The following SOX5 variants were observed in gnomAD, a reference collection of about 807,000 sequenced individuals.
The protein encoded by SOX5 is SRY-box transcription factor 5.
SOX5 carries 9 observed loss-of-function variants against 92.0 expected under a neutral mutation model. The ratio of observed to expected loss-of-function variants is 0.10; its 90% CI spans 0.06 to 0.17. SOX5 has a LOEUF of 0.17. Among genes scored for constraint, SOX5 ranks in the 10% least tolerant of loss-of-function variants. SOX5 has a pLI of 1.00. For synonymous variants in SOX5, 344 were observed against 336.3 expected (o/e 1.02, Z -0.25); for missense variants, 642 against 944.5 (o/e 0.68, Z 4.20).
intron 3 of SOX5, among the ~76,000 whole-genome samples, chr12:23,815,128 G>T (rs1182220959): frequency 1.3e-5 from 2 of 152,120 alleles, no homozygotes; most frequent in Non-Finnish European, 2.9e-5. Context: ...CTTTAGAGTT[G>T]TAAGGACTTT....
intron 4 of SOX5, among the ~76,000 whole-genome samples, chr12:23,959,598 G>C (rs920103872): frequency 6.6e-6 from 1 of 151,848 alleles, no homozygotes; most frequent in African/African-American, 2.4e-5. Context: ...GTGACAAAAG[G>C]CATCTATAGA....
intron 1 of SOX5, among the ~76,000 whole-genome samples, chr12:24,494,492 C>T (rs1425800484): frequency 6.6e-6 from 1 of 152,236 alleles, no homozygotes; most frequent in South Asian, 2.1e-4. Flanking sequence ...TATCATAGTT[C>T]ATGGCAAAAA....
chr12:24,485,045 T>G (rs1010222133), intron 1 of SOX5, among the ~76,000 whole-genome samples: 1 of 152,052 alleles, frequency 6.6e-6, no homozygotes, highest in Non-Finnish European at 1.5e-5. Context: ...TTCGGACAGA[T>G]GGAGAAAGGA....
At chr12:24,191,717 A>G (rs1399593731) in intron 4 of SOX5, among the ~76,000 whole-genome samples, 1 of 152,232 alleles carries the variant, frequency 6.6e-6, no homozygotes, top group Non-Finnish European at 1.5e-5. Context: ...TGATTCTGTC[A>G]GGTACAACAG....
chr12:23,851,418 C>G (rs1328401612), intron 2 of SOX5, among the ~76,000 whole-genome samples: 3 of 152,036 alleles, frequency 2.0e-5, no homozygotes, highest in African/African-American at 7.2e-5. Flanking sequence ...AAAAGAGATA[C>G]ATTGAGGCAA....
chr12:23,779,814 T>TATATATATATATACAC (rs777013504), intron 3 of SOX5, among the ~76,000 whole-genome samples: 266 of 110,740 alleles, frequency 2.4e-3, no homozygotes, highest in African/African-American at 7.9e-3. Context: ...TATATATATA[T>TATATATATATATACAC]ACACACACAC....
At chr12:23,765,369 CA>C (rs1156436419) in intron 3 of SOX5, among the ~76,000 whole-genome samples, 3 of 8,034 alleles carry the variant, frequency 3.7e-4, no homozygotes, top group African/African-American at 7.5e-4. Context: ...GCTGTGAAGT[CA>C]AAAGTGTAAA....
chr12:24,213,547 T>C (rs1239417226), intron 3 of SOX5: 1 of 150,736 alleles, frequency 6.6e-6, no homozygotes, highest in African/African-American at 2.4e-5. Context: ...GATAGTTAAA[T>C]GAGATTTCTA....
chr12:24,358,611 C>CA (rs11410265), intron 2 of SOX5, among the ~76,000 whole-genome samples: 65,426 of 139,948 alleles, frequency 0.47, 15,368 homozygotes, highest in East Asian at 0.79. Flanking sequence ...GACTCCATCT[C>CA]AAAAAAAAAA....
intron 4 of SOX5, among the ~76,000 whole-genome samples, chr12:23,994,074 A>T (rs1264470025): frequency 2.0e-5 from 3 of 151,890 alleles, no homozygotes; most frequent in Admixed American, 6.6e-5. Context: ...TGATCACACC[A>T]CTGGCACCAC....
chr12:24,071,322 C>CTGCATTGCCTA (rs1435710923), intron 4 of SOX5, among the ~76,000 whole-genome samples: 2 of 152,204 alleles, frequency 1.3e-5, no homozygotes, highest in East Asian at 1.9e-4. Context: ...TTAATTCCCA[C>CTGCATTGCCTA]ATGAACCATG....
rs750162465 is a variant in SOX5 at position 23,546,254 on chromosome 12, A to C, written c.1597+62T>G. 6.5e-5 allele frequency: 61 copies of C among 935,950 alleles called. No homozygotes were observed. The Admixed American group carries it at 8.2e-4, about 13-fold the overall frequency. 58.0% of individuals were successfully genotyped at this position (935,950 alleles called of 1,614,324 possible). ...GTCTAGTCTATTTTTTAGCAGTTTT[A>C]ATTGGCACTACCTAGACACTTTCTT... is the stretch of plus-strand genomic sequence containing the variant. On this transcript the variant is annotated intron_variant, in intron 12 of 14. Transcript: ENST00000451604.
At chr12:23,950,379 A>C (rs1429489828), upstream of SOX5, among the ~76,000 whole-genome samples, 1 of 152,072 alleles carries the variant, frequency 6.6e-6, no homozygotes. Flanking sequence ...ACCTGTAAAC[A>C]ACTTGTCACT....
At position 23,534,278 on chromosome 12, in the gene SOX5, C is replaced by A. The variant is rs768507039; in HGVS notation, c.2233G>T (p.Asp745Tyr). 18 of 1,614,150 alleles carry A rather than the reference C, an allele frequency of 1.1e-5. No individual in the cohort carries two copies. Among genetic ancestry groups the A allele is most frequent in the Non-Finnish European group, 1.4e-5 (17 of 1,180,006 alleles). Reference sequence around the variant, plus strand: ...TCACTCCCATAATCTACATCTGGATCATCCTCTTCCTCGTCGTACTCATCA... The same window carrying A: ...TCACTCCCATAATCTACATCTGGATAATCCTCTTCCTCGTCGTACTCATCA... The part of the protein sequence containing the change: ...IYDEYDEEED[D>Y]PDVDYGSDSE... Residue 745 changes from aspartate (D) to tyrosine (Y), a missense_variant, in exon 15 of 15, where the codon GAT becomes TAT. Physicochemically the swap from Asp to Tyr is radical, Grantham distance 160 (BLOSUM62 -3). Transcript: ENST00000451604.
chr12:23,748,161 C>T (rs1474711693), intron 4 of SOX5, among the ~76,000 whole-genome samples: 1 of 151,848 alleles, frequency 6.6e-6, no homozygotes, highest in Non-Finnish European at 1.5e-5. Flanking sequence ...TTTATTGTAT[C>T]TCCCAGTAGA....
chr12:24,169,105 G>A (rs773213346), intron 4 of SOX5, among the ~76,000 whole-genome samples: 23 of 152,072 alleles, frequency 1.5e-4, no homozygotes, highest in Non-Finnish European at 3.1e-4. Flanking sequence ...AGTGAATAGC[G>A]ACAACCACAT....
At chr12:23,741,550 G>A (rs978163663) in intron 4 of SOX5, among the ~76,000 whole-genome samples, 13 of 151,962 alleles carry the variant, frequency 8.6e-5, no homozygotes, top group Non-Finnish European at 1.5e-4. Flanking sequence ...AGAGGTCAAG[G>A]CATTAGTATT....
chr12:23,783,613 TA>T (rs1358606267), intron 3 of SOX5, among the ~76,000 whole-genome samples: 1 of 152,138 alleles, frequency 6.6e-6, no homozygotes, highest in Non-Finnish European at 1.5e-5. Flanking sequence ...CAGAAAATAA[TA>T]AAACTGTTGC....
chr12:23,884,781 G>C (rs1280359326), intron 2 of SOX5, among the ~76,000 whole-genome samples: 1 of 152,152 alleles, frequency 6.6e-6, no homozygotes, highest in Non-Finnish European at 1.5e-5. Context: ...GGGGATAAAC[G>C]TAGTTGCTGA....
Sources: allele counts gnomAD v4.1 joint callset (sites outside exome capture counted in the v4.1 genomes callset), GRCh38; gene constraint gnomAD v4.1.1; transcripts MANE v1.5; gene names NCBI Gene and HGNC (gene_info 2026-07-23, HGNC 2026-07-21).